Variants in XKR6 observed in about 807,000 individuals in gnomAD.
XKR6 encodes XK-related protein 6.
A neutral mutation model predicts 56.7 loss-of-function variants in XKR6; 22 were observed. The ratio of observed to expected loss-of-function variants is 0.39; its 90% CI spans 0.28 to 0.55. The LOEUF is 0.55. Among genes scored for constraint, XKR6 ranks in the 20% least tolerant of loss-of-function variants. The pLI is 0.66. For synonymous variants in XKR6, 524 were observed against 387.8 expected (o/e 1.35, Z -4.13); for missense variants, 852 against 889.0 (o/e 0.96, Z 0.53).
chr8:10,930,655 A>T (rs1179204227), intron 1 of XKR6, among the ~76,000 whole-genome samples: 3 of 152,264 alleles, frequency 2.0e-5, no homozygotes, highest in Non-Finnish European at 2.9e-5. Context: ...TTCAAAAATC[A>T]ATCAATGTAA....
At chr8:11,173,298 C>T (rs953530896) in intron 1 of XKR6, among the ~76,000 whole-genome samples, 38 of 151,080 alleles carry the variant, frequency 2.5e-4, no homozygotes, top group Admixed American at 2.3e-3. Context: ...GAGCTGAGAT[C>T]GTGCCACTGC....
intron 1 of XKR6, among the ~76,000 whole-genome samples, chr8:11,166,584 A>C (rs927650771): frequency 6.6e-6 from 1 of 150,934 alleles, no homozygotes; most frequent in Non-Finnish European, 1.5e-5. Flanking sequence ...TTATTTATTT[A>C]TTTTTGAGAT....
intron 1 of XKR6, among the ~76,000 whole-genome samples, chr8:10,996,320 C>G (rs1426870736): frequency 2.0e-5 from 3 of 152,078 alleles, no homozygotes; most frequent in Admixed American, 1.3e-4. Context: ...CGGGCCCTCT[C>G]CTCCTTGTTC....
chr8:10,904,635 G>C (rs1218194027), intron 2 of XKR6, among the ~76,000 whole-genome samples: 1 of 152,170 alleles, frequency 6.6e-6, no homozygotes, highest in Non-Finnish European at 1.5e-5. Context: ...AGGAAGGGAG[G>C]CTGTGACCGG....
intron 1 of XKR6, among the ~76,000 whole-genome samples, chr8:11,179,020 CTT>C (rs35214787): frequency 6.2e-4 from 65 of 104,514 alleles, no homozygotes; most frequent in African/African-American, 1.0e-3. Context: ...TTTTCTTTTT[CTT>C]TTTTTTTTTT....
At chr8:10,957,264 C>T (rs575086503) in intron 1 of XKR6, among the ~76,000 whole-genome samples, 9 of 152,314 alleles carry the variant, frequency 5.9e-5, no homozygotes, top group Admixed American at 5.2e-4. Context: ...ACTCAGTCTT[C>T]AACCTGCCCC....
chr8:10,954,358 G>C (rs1329115088), intron 1 of XKR6, among the ~76,000 whole-genome samples: 1 of 152,222 alleles, frequency 6.6e-6, no homozygotes, highest in Non-Finnish European at 1.5e-5. Context: ...AGCCATCCAA[G>C]TGGGTGTGAC....
intron 1 of XKR6, among the ~76,000 whole-genome samples, chr8:11,020,028 G>T (rs1199632744): frequency 3.9e-5 from 6 of 152,152 alleles, no homozygotes; most frequent in Non-Finnish European, 8.8e-5. Flanking sequence ...CCTCTCCAAG[G>T]AACAGCGGGA....
chr8:11,000,832 C>T (rs1798221128), intron 1 of XKR6, among the ~76,000 whole-genome samples: 1 of 152,134 alleles, frequency 6.6e-6, no homozygotes, highest in South Asian at 2.1e-4. Flanking sequence ...AAGTAAGATG[C>T]ATAGCCGGGA....
intron 2 of XKR6, among the ~76,000 whole-genome samples, chr8:10,904,318 G>A (rs1800124023): frequency 6.6e-6 from 1 of 152,168 alleles, no homozygotes; most frequent in Admixed American, 6.5e-5. Flanking sequence ...CCCAGAGAAA[G>A]GCTTGGAGAA....
In XKR6 at chr8:11,200,591, A is replaced by T; in HGVS notation, c.749T>A (p.Met250Lys). The change falls in exon 1 of 3, where the codon ATG (methionine) becomes AAG (lysine). Residue 250 changes from methionine to lysine, a missense_variant. By Grantham distance (95) the Met-to-Lys change is moderately conservative (BLOSUM62 -1). Coordinates refer to ENST00000416569, the MANE Select transcript of XKR6 (RefSeq NM_173683.4). The surrounding 1 kb of genome is among the most constrained non-coding windows in gnomAD (Gnocchi z 6.4). ...GTGCTCTTACCTCCACACCTGCCCC[A>T]TCTGCAGCAGGTGGATGACCGACTG... Reference protein sequence around the residue: ...IWQSVIHLLQMGQVWRYIRTM... With the variant: ...IWQSVIHLLQKGQVWRYIRTM... 6.6e-7 allele frequency: 1 copy of T among 1,515,280 alleles called. No individual in the cohort carries two copies. The highest frequency in any genetic ancestry group is 8.7e-7 in the Non-Finnish European group (1 of 1,145,062). The allele number at this position is 1,515,280 out of a possible 1,614,324, so 93.9% of individuals were successfully genotyped here. A position where few individuals can be genotyped will look rare whatever the true frequency, so the allele number is the denominator to read the frequency against.
At chr8:11,050,727 C>G (rs1478816708) in intron 1 of XKR6, among the ~76,000 whole-genome samples, 2 of 152,154 alleles carry the variant, frequency 1.3e-5, no homozygotes, top group African/African-American at 4.8e-5. Context: ...CCGTTTTCTA[C>G]CACCAGCCAC....
chr8:10,988,822 G>A (rs187692405), intron 1 of XKR6, among the ~76,000 whole-genome samples: 34 of 152,306 alleles, frequency 2.2e-4, no homozygotes, highest in Non-Finnish European at 4.1e-4. Context: ...CAAAGTCAAC[G>A]TCTGGATTCT....
At chr8:11,138,291 T>C (rs895882272) in intron 1 of XKR6, 1 of 152,808 alleles carries the variant, frequency 6.5e-6, no homozygotes, top group Non-Finnish European at 1.5e-5. Flanking sequence ...CTTCTCCCAT[T>C]AGTATGAACA....
chr8:11,060,681 A>T (rs1243052156), intron 1 of XKR6, among the ~76,000 whole-genome samples: 2 of 152,248 alleles, frequency 1.3e-5, no homozygotes, highest in African/African-American at 4.8e-5. Flanking sequence ...CAAAGTGGAC[A>T]GGAATCACCG....
chr8:11,047,720 G>A (rs117211726), intron 1 of XKR6, among the ~76,000 whole-genome samples: 209 of 152,290 alleles, frequency 1.4e-3, no homozygotes, highest in Non-Finnish European at 2.2e-3. Flanking sequence ...GCACAACAGC[G>A]CGAGTGTACT....
At chr8:11,056,657 G>A (rs924052270) in intron 1 of XKR6, among the ~76,000 whole-genome samples, 1 of 152,224 alleles carries the variant, frequency 6.6e-6, no homozygotes, top group African/African-American at 2.4e-5. Context: ...GTCTACAGAG[G>A]CAGCCACACA....
intron 1 of XKR6, among the ~76,000 whole-genome samples, chr8:11,179,320 G>T (rs187012995): frequency 9.3e-4 from 141 of 152,208 alleles, no homozygotes; most frequent in Middle Eastern, 3.4e-3. Flanking sequence ...TTTCTAGTGG[G>T]TAATACTGGA....
At chr8:11,034,114 G>A (rs193011429) in intron 1 of XKR6, among the ~76,000 whole-genome samples, 9 of 152,290 alleles carry the variant, frequency 5.9e-5, no homozygotes, top group Non-Finnish European at 1.0e-4. Flanking sequence ...CACATAAAAC[G>A]CATGCCTCAA....
Sources: allele counts gnomAD v4.1 joint callset (sites outside exome capture counted in the v4.1 genomes callset), GRCh38; gene constraint gnomAD v4.1.1; non-coding constraint Gnocchi (gnomAD v3.1); transcripts MANE v1.5; gene names NCBI Gene and HGNC (gene_info 2026-07-23, HGNC 2026-07-21).